PEX19: variants seen among roughly 807,000 people sequenced by gnomAD.
The protein encoded by PEX19 is 33 kDa housekeeping protein.
A neutral mutation model predicts 36.3 loss-of-function variants in PEX19; 29 were observed. The observed-to-expected ratio is 0.80, with a 90% CI of 0.60 to 1.09. PEX19 has a LOEUF of 1.09. Among genes scored for constraint, PEX19 ranks in the 50% least tolerant of loss-of-function variants. The pLI is 0.00. For missense variants in PEX19, 396 were observed against 368.1 expected (o/e 1.08, Z -0.62); for synonymous variants, 141 against 135.2 (o/e 1.04, Z -0.30).
At chr1:160,281,813 A>G (rs2101802130) in intron 5 of PEX19, among the ~76,000 whole-genome samples, 1 of 152,110 alleles carries the variant, frequency 6.6e-6, no homozygotes, top group South Asian at 2.1e-4. Context: ...TTCCTCTTAG[A>G]CCCCAAACGT....
chr1:160,279,868 C>T (rs747515545), intron 6 of PEX19, 23 bp from the exon 7 acceptor site: 2 of 1,602,698 alleles, frequency 1.2e-6, no homozygotes, highest in East Asian at 2.2e-5. Context: ...GAAAATGGAA[C>T]ATGAAATAGA....
At chr1:160,281,806 C>T (rs1421295160) in intron 5 of PEX19, among the ~76,000 whole-genome samples, 2 of 152,172 alleles carry the variant, frequency 1.3e-5, no homozygotes, top group African/African-American at 2.4e-5. Context: ...GAAGGATTTC[C>T]TCTTAGACCC....
intron 3 of PEX19, 68 bp downstream of exon 3, chr1:160,282,876 T>G: frequency 6.6e-7 from 1 of 1,516,176 alleles, no homozygotes; most frequent in South Asian, 1.1e-5. Flanking sequence ...CTAAGAATTC[T>G]GGTGTTTTCA....
chr1:160,277,822 T>C lies in PEX19; in HGVS notation c.*1729A>G. On this transcript the variant is annotated 3_prime_UTR_variant, in exon 8 of 8. Transcript: ENST00000368072. ...GTGACACTGAAGCCCCATGACTATA[T>C]CACAAGTATACCTGTATTTTTTCCA... is the stretch of plus-strand genomic sequence containing the variant. The C allele has an allele frequency of 1.8e-6, 1 of 549,932 alleles. No homozygotes were observed. The highest frequency in any genetic ancestry group is 2.2e-5 in the Admixed American group (1 of 45,522). 34.1% of individuals were successfully genotyped at this position (549,932 alleles called of 1,614,324 possible).
At position 160,285,080 on chromosome 1, in the gene PEX19, G is replaced by C. The variant is rs2101810529; in HGVS notation, c.45C>G (p.Asp15Glu). 6.2e-7 allele frequency: 1 copy of C among 1,613,828 alleles called. No individual in the cohort carries two copies. Among genetic ancestry groups the C allele is most frequent in the Non-Finnish European group, 8.5e-7 (1 of 1,179,750 alleles). Residue 15 changes from aspartate (D) to glutamate (E), a missense_variant, in exon 1 of 8, where the codon GAC becomes GAG. Physicochemically the swap from Asp to Glu is conservative, Grantham distance 45. Coordinates refer to ENST00000368072, the MANE Select transcript of PEX19 (RefSeq NM_002857.4). ...EEGCSVGAEA[D>E]RELEELLESA... ...TTTCCAGAAGCTCCTCCAATTCCCT[G>C]TCCGCTTCGGCCCCGACACTACAGC...
rs1301762556 is a variant in PEX19 at position 160,279,319 on chromosome 1, G to A, written c.*232C>T. Reference sequence around the variant, plus strand: ...CTTGCAGGTAGCTGGAACTTTGATAGTGGCAGAAACCACAATGGAGTAGGG... The same window carrying A: ...CTTGCAGGTAGCTGGAACTTTGATAATGGCAGAAACCACAATGGAGTAGGG... On this transcript the variant is annotated 3_prime_UTR_variant, in exon 8 of 8. Transcript: ENST00000368072. 2 of 677,700 alleles carry A rather than the reference G, an allele frequency of 3.0e-6. No homozygotes were observed. Among genetic ancestry groups the A allele is most frequent in the Non-Finnish European group, 5.4e-6 (2 of 370,852 alleles). The allele number at this position is 677,700 out of a possible 1,614,324, so 42.0% of individuals were successfully genotyped here. A position where few individuals can be genotyped will look rare whatever the true frequency, so the allele number is the denominator to read the frequency against.
Position 160,278,875 on chromosome 1 carries a change from C to T in PEX19, c.*676G>A, listed in dbSNP as rs1303351874. On this transcript the variant is annotated 3_prime_UTR_variant, in exon 8 of 8. Transcript: ENST00000368072. ...AGGGGCTGGGTTCACCCATATCACA[C>T]AGCATTGTAGGAAGAAGCAGGGTAA... 1 of 453,930 alleles carries T rather than the reference C, an allele frequency of 2.2e-6. No homozygotes were observed. Among genetic ancestry groups the T allele is most frequent in the African/African-American group, 2.0e-5 (1 of 50,008 alleles). 28.1% of individuals were successfully genotyped at this position (453,930 alleles called of 1,614,324 possible). A position where few individuals can be genotyped will look rare whatever the true frequency, so the allele number is the denominator to read the frequency against.
At chr1:160,280,405 G>A (rs949046829) in intron 5 of PEX19, among the ~76,000 whole-genome samples, 159 bp from the exon 6 acceptor site, 9 of 152,174 alleles carry the variant, frequency 5.9e-5, no homozygotes, top group African/African-American at 2.2e-4. Flanking sequence ...ACTCCAACCA[G>A]ATCACCTGGC....
chr1:160,277,924 TC>T lies in PEX19; in HGVS notation c.*1626del, dbSNP rs1490015126. ...CTGGTAAGGTATAGGAGTTGGAATT[TC>T]CCAAATAGCCTGAGACCTTGAGAAC... On this transcript the variant is annotated 3_prime_UTR_variant, in exon 8 of 8. Transcript: ENST00000368072. 7.3e-6 allele frequency: 5 copies of T among 688,610 alleles called. No homozygotes were observed. Among genetic ancestry groups the T allele is most frequent in the Non-Finnish European group, 1.3e-5 (5 of 378,150 alleles). 42.7% of individuals were successfully genotyped at this position (688,610 alleles called of 1,614,324 possible). A position where few individuals can be genotyped will look rare whatever the true frequency, so the allele number is the denominator to read the frequency against.
At chr1:160,280,010 A>G in intron 6 of PEX19, 60 bp downstream of exon 6, 1 of 1,520,696 alleles carries the variant, frequency 6.6e-7, no homozygotes, top group Non-Finnish European at 9.1e-7. Flanking sequence ...CTTCCCAGAT[A>G]CTTCCTTCAC....
Position 160,279,797 on chromosome 1 carries a change from T to A in PEX19, c.816+4A>T. 1 of 1,611,600 alleles carries A rather than the reference T, an allele frequency of 6.2e-7. No individual in the cohort carries two copies. The highest frequency in any genetic ancestry group is 2.2e-5 in the East Asian group (1 of 44,882). ...TAAAATCTGGAAAAATAAGACATAC[T>A]CACCATCTCTCCAGCCAGCTCTTTT... On this transcript the variant is annotated splice_donor_region_variant and intron_variant, in intron 7 of 7. Coordinates refer to ENST00000368072, the MANE Select transcript of PEX19 (RefSeq NM_002857.4).
rs1484350332 is a variant in PEX19, at chr1:160,282,924, T to G, written c.346+20A>C. On this transcript the variant is annotated intron_variant, in intron 3 of 7. Coordinates refer to ENST00000368072, the MANE Select transcript of PEX19 (RefSeq NM_002857.4). ...TTAAGAGTCTGTTCAGATATTTCCA[T>G]GTATCTGGGGTCTCCTCACCCACTC... is the stretch of plus-strand genomic sequence containing the variant. 6.2e-7 allele frequency: 1 copy of G among 1,611,666 alleles called. No individual in the cohort carries two copies. The highest frequency in any genetic ancestry group is 8.5e-7 in the Non-Finnish European group (1 of 1,177,888).
At position 160,280,222 on chromosome 1, in the gene PEX19, G is replaced by A. The variant is rs367813991; in HGVS notation, c.619C>T (p.Arg207Trp). The change falls in exon 6 of 8, where the codon CGG (arginine) becomes TGG (tryptophan). Residue 207 changes from arginine (R) to tryptophan (W), a missense_variant. Arg to Trp is a moderately radical substitution (Grantham distance 101). Coordinates refer to ENST00000368072, the MANE Select transcript of PEX19 (RefSeq NM_002857.4). ...AACTGCTCTGGAGGTAGAGATTCCC[G>A]ATGACTCTGCAACCATTCTGGATAC... ...EKYPEWLQSH[R>W]ESLPPEQFEK... is the part of the protein sequence containing the mutation. 1.7e-5 allele frequency: 28 copies of A among 1,613,898 alleles called. No individual in the cohort carries two copies. Among genetic ancestry groups the A allele is most frequent in the African/African-American group, 1.1e-4 (8 of 74,920 alleles).
intron 5 of PEX19, chr1:160,281,417 TTTTC>T (rs1344138993): frequency 6.2e-6 from 1 of 160,506 alleles, no homozygotes; most frequent in African/African-American, 2.4e-5. Flanking sequence ...AGTTAATTCT[TTTTC>T]TTTTTCAGAT....
chr1:160,284,753 G>A (rs1303871928), intron 1 of PEX19, among the ~76,000 whole-genome samples: 1 of 152,214 alleles, frequency 6.6e-6, no homozygotes, highest in Admixed American at 6.5e-5. Flanking sequence ...TGCTGCTGAA[G>A]TCGAACTTTA....
At chr1:160,284,803 T>A (rs1657939677) in intron 1 of PEX19, among the ~76,000 whole-genome samples, 1 of 152,148 alleles carries the variant, frequency 6.6e-6, no homozygotes, top group African/African-American at 2.4e-5. Flanking sequence ...AGAGGTATCA[T>A]GAAACGCCGT....
Position 160,282,052 on chromosome 1 carries a change from T to G in PEX19, c.581A>C (p.Glu194Ala), listed in dbSNP as rs1359343984. The G allele has an allele frequency of 3.7e-6, 6 of 1,613,946 alleles. No individual in the cohort carries two copies. The South Asian group carries it at 6.6e-5, about 18-fold the overall frequency. ...AAGTTCACAAACCTTTTCTGTGATC[T>G]CCTTCAGTGATGGGTACAGCACATC... ...SKDVLYPSLK[E>A]ITEKYPEWLQ... Residue 194 changes from glutamate (E) to alanine (A), a missense_variant, in exon 5 of 8, where the codon GAG becomes GCG. Physicochemically the swap from Glu to Ala is moderately radical, Grantham distance 107. Coordinates refer to ENST00000368072, the MANE Select transcript of PEX19 (RefSeq NM_002857.4).
chr1:160,278,272 C>T lies in PEX19; in HGVS notation c.*1279G>A, dbSNP rs1657620330. On this transcript the variant is annotated 3_prime_UTR_variant, in exon 8 of 8. Transcript: ENST00000368072. ...TAATGTAAAAGGTTAAAATATAATACCACTTGAAGGGCTTTCTACATTGAA... is the reference window on the plus strand; with the variant it reads ...TAATGTAAAAGGTTAAAATATAATATCACTTGAAGGGCTTTCTACATTGAA... The T allele has an allele frequency of 1.7e-5, 12 of 698,456 alleles. No individual in the cohort carries two copies. In the East Asian group the frequency reaches 3.0e-4, roughly 17 times the overall value. 43.3% of individuals were successfully genotyped at this position (698,456 alleles called of 1,614,324 possible).
chr1:160,284,235 T>A, intron 1 of PEX19: 1 of 464,714 alleles, frequency 2.2e-6, no homozygotes, highest in Non-Finnish European at 4.5e-6. Context: ...CAGATAACCG[T>A]ACACTAATTT....
Sources: allele counts gnomAD v4.1 joint callset (sites outside exome capture counted in the v4.1 genomes callset), GRCh38; gene constraint gnomAD v4.1.1; transcripts MANE v1.5; gene names NCBI Gene and HGNC (gene_info 2026-07-23, HGNC 2026-07-21).